ANKS1B: variants seen among roughly 807,000 people sequenced by gnomAD.
The protein encoded by ANKS1B is ankyrin repeat and sterile alpha motif domain-containing protein 1B.
In ANKS1B, 36 loss-of-function variants were observed where a neutral mutation model predicts 148.3. The observed-to-expected ratio is 0.24, with a 90% CI of 0.19 to 0.32. The LOEUF (loss-of-function observed/expected upper bound fraction) is 0.32, where lower values mean the gene tolerates loss of function less well. Among genes scored for constraint, ANKS1B ranks in the 10% least tolerant of loss-of-function variants. ANKS1B has a pLI of 1.00. For missense variants in ANKS1B, 1,157 were observed against 1,542.6 expected, an observed-to-expected ratio of 0.75 and a Z score of 4.19; for synonymous variants, 542 against 560.8, an observed-to-expected ratio of 0.97 and a Z score of 0.47.
intron 11 of ANKS1B, among the ~76,000 whole-genome samples, chr12:99,419,641 T>A (rs970428493): frequency 6.6e-6 from 1 of 152,084 alleles, no homozygotes; most frequent in Non-Finnish European, 1.5e-5. Flanking sequence ...TTGCTTTTGG[T>A]TTTTAACTTC....
At chr12:99,143,412 C>T (rs989884344) in intron 15 of ANKS1B, among the ~76,000 whole-genome samples, 2 of 152,114 alleles carry the variant, frequency 1.3e-5, no homozygotes, top group Non-Finnish European at 2.9e-5. Context: ...CTGCGATGCG[C>T]TTGATTCACA....
At chr12:99,905,309 A>G (rs1489896211) in intron 1 of ANKS1B, among the ~76,000 whole-genome samples, 1 of 152,230 alleles carries the variant, frequency 6.6e-6, no homozygotes, top group Non-Finnish European at 1.5e-5. Flanking sequence ...TCCAGAGACC[A>G]TGGAAGGGAG....
chr12:98,796,649 A>G (rs2153575117), intron 22 of ANKS1B, among the ~76,000 whole-genome samples: 1 of 152,346 alleles, frequency 6.6e-6, no homozygotes, highest in East Asian at 1.9e-4. Context: ...ACTGAGACTT[A>G]CTTAATCAAG....
intron 12 of ANKS1B, among the ~76,000 whole-genome samples, chr12:99,287,682 T>C (rs1323317923): frequency 6.6e-6 from 1 of 152,202 alleles, no homozygotes; most frequent in Non-Finnish European, 1.5e-5. Context: ...TTCAGAATCT[T>C]ATCAGATAAA....
chr12:99,556,714 G>A (rs886683930), intron 9 of ANKS1B, among the ~76,000 whole-genome samples: 8 of 152,044 alleles, frequency 5.3e-5, no homozygotes, highest in South Asian at 2.1e-4. Flanking sequence ...AAATGTCATT[G>A]AGGAGCAGGT....
rs907684171 is a variant in ANKS1B at position 99,403,468 on chromosome 12, C to T, written c.1576-3657G>A. Among the ~76,000 whole-genome samples, 2 of 132,074 alleles carry T rather than the reference C, an allele frequency of 1.5e-5. 1 individual carries two copies. The highest frequency in any genetic ancestry group is 6.1e-5 in the African/African-American group (2 of 32,656). 86.6% of individuals were successfully genotyped at this position (132,074 alleles called of 152,430 possible). ...GACCATACCCAGCCCCCAATGCCCA[C>T]TTTTTAATGGGGGTTGATTTTTTTT... On this transcript the variant is annotated intron_variant, in intron 11 of 26. Transcript: ENST00000683438.
At chr12:99,893,255 A>G (rs1039997799) in intron 1 of ANKS1B, among the ~76,000 whole-genome samples, 2 of 151,964 alleles carry the variant, frequency 1.3e-5, no homozygotes, top group African/African-American at 2.4e-5. Flanking sequence ...CTAAAAATAC[A>G]AAAAAATTAG....
At chr12:99,485,649 C>T (rs992101044) in intron 10 of ANKS1B, among the ~76,000 whole-genome samples, 9 of 152,142 alleles carry the variant, frequency 5.9e-5, no homozygotes, top group African/African-American at 2.2e-4. Flanking sequence ...TCTTCTCTCT[C>T]AGAAATGCCA....
In ANKS1B at chr12:99,481,997, A is replaced by G. The variant is rs562775976; in HGVS notation, c.1438+22479T>C. Among the ~76,000 whole-genome samples the G allele has an allele frequency of 7.2e-5, 11 of 151,976 alleles. No homozygotes were observed. The East Asian group carries it at 1.9e-3, about 27-fold the overall frequency. ...TTCTGTGGGTTGACTGTTTACTCTG[A>G]TAATTATTTATTTTGCTATGCTAAA... On this transcript the variant is annotated intron_variant, in intron 10 of 26. Transcript: ENST00000683438.
intron 14 of ANKS1B, among the ~76,000 whole-genome samples, chr12:99,165,160 C>CA (rs1164941007): frequency 1.3e-5 from 2 of 151,878 alleles, no homozygotes; most frequent in African/African-American, 2.4e-5. Flanking sequence ...TAGTAAGGAA[C>CA]AATGTCTACC....
At chr12:99,229,928 C>T (rs1312805883) in intron 14 of ANKS1B, among the ~76,000 whole-genome samples, 1 of 151,760 alleles carries the variant, frequency 6.6e-6, no homozygotes, top group Admixed American at 6.6e-5. Flanking sequence ...ATCCTCAAGA[C>T]ACTTATATAT....
intron 25 of ANKS1B, among the ~76,000 whole-genome samples, chr12:98,757,124 G>C (rs906835032): frequency 2.6e-5 from 4 of 152,168 alleles, no homozygotes; most frequent in African/African-American, 9.7e-5. Flanking sequence ...CACAAGGAGA[G>C]GCTGCCTGGA....
intron 17 of ANKS1B, among the ~76,000 whole-genome samples, chr12:98,843,026 G>T (rs1217050530): frequency 6.6e-6 from 1 of 152,180 alleles, no homozygotes; most frequent in East Asian, 1.9e-4. Flanking sequence ...AGCCAACATG[G>T]GTTCTCTCTG....
At chr12:99,541,445 A>G (rs1192692226) in intron 9 of ANKS1B, among the ~76,000 whole-genome samples, 1 of 152,210 alleles carries the variant, frequency 6.6e-6, no homozygotes, top group East Asian at 1.9e-4. Flanking sequence ...CAAGTGCCTC[A>G]GGAATACTTG....
At chr12:98,839,190 A>C (rs2099391896) in intron 17 of ANKS1B, among the ~76,000 whole-genome samples, 1 of 152,234 alleles carries the variant, frequency 6.6e-6, no homozygotes, top group African/African-American at 2.4e-5. Flanking sequence ...TATAAAGGGG[A>C]CAATAACAGT....
At chr12:99,081,912 T>C (rs7297221) in intron 16 of ANKS1B, among the ~76,000 whole-genome samples, 99,993 of 151,994 alleles carry the variant, frequency 0.66, 33,162 homozygotes, top group East Asian at 0.89. Context: ...AAAGAATGTC[T>C]ATGTATTGGG....
chr12:99,254,499 C>T (rs780223733), intron 12 of ANKS1B, among the ~76,000 whole-genome samples: 10 of 152,132 alleles, frequency 6.6e-5, no homozygotes, highest in Non-Finnish European at 1.3e-4. Flanking sequence ...GCTATTACTT[C>T]TTGACAGAAG....
chr12:99,778,978 A>T (rs1314207276), intron 6 of ANKS1B, among the ~76,000 whole-genome samples: 1 of 152,198 alleles, frequency 6.6e-6, no homozygotes, highest in Non-Finnish European at 1.5e-5. Context: ...CTTGCAGCCA[A>T]TCCATAACAA....
At chr12:99,492,552 G>A (rs2096565757) in intron 10 of ANKS1B, among the ~76,000 whole-genome samples, 1 of 152,126 alleles carries the variant, frequency 6.6e-6, no homozygotes, top group Non-Finnish European at 1.5e-5. Flanking sequence ...CATCCTATGA[G>A]GCCAGCATCA....
Sources: allele counts gnomAD v4.1 joint callset (sites outside exome capture counted in the v4.1 genomes callset), GRCh38; gene constraint gnomAD v4.1.1; transcripts MANE v1.5; gene names NCBI Gene and HGNC (gene_info 2026-07-23, HGNC 2026-07-21).